Variants in ACTN2 observed in about 807,000 individuals in gnomAD.
The protein encoded by ACTN2 is actinin alpha 2, also known as alpha-actinin-2.
In ACTN2, 39 loss-of-function variants were observed where a neutral mutation model predicts 113.8. The ratio of observed to expected loss-of-function variants is 0.34; its 90% CI spans 0.27 to 0.45. ACTN2 has a LOEUF of 0.45. Ranked by LOEUF, ACTN2 falls within the 20% of genes least tolerant of loss-of-function variation. ACTN2 has a pLI of 1.00. For synonymous variants in ACTN2, 429 were observed against 444.1 expected, an observed-to-expected ratio of 0.97 and a Z score of 0.43; for missense variants, 992 against 1,177.9, an observed-to-expected ratio of 0.84 and a Z score of 2.31.
chr1:236,748,327 C>T (rs1659296807), intron 13 of ACTN2, among the ~76,000 whole-genome samples: 1 of 152,130 alleles, frequency 6.6e-6, no homozygotes, highest in Admixed American at 6.6e-5. Flanking sequence ...GTCTTTTCTG[C>T]TTGACTCTGA....
At chr1:236,740,739 G>T (rs1184970644) in intron 10 of ACTN2, among the ~76,000 whole-genome samples, 1 of 151,676 alleles carries the variant, frequency 6.6e-6, no homozygotes, top group Non-Finnish European at 1.5e-5. Flanking sequence ...CACCATATTG[G>T]CCAGGCTGGT....
intron 6 of ACTN2, among the ~76,000 whole-genome samples, chr1:236,730,271 CTTT>C (rs11410238): frequency 1.4e-5 from 2 of 146,818 alleles, no homozygotes. Flanking sequence ...TAGTTAAACA[CTTT>C]TTTTTTTTTT....
chr1:236,734,641 G>A (rs1572128228), intron 7 of ACTN2: 2 of 680,816 alleles, frequency 2.9e-6, no homozygotes, highest in Non-Finnish European at 4.8e-6. Context: ...GTTCCCAGGA[G>A]GCAGTTGTTT....
chr1:236,759,848 T>A, intron 19 of ACTN2, 59 bp downstream of exon 19: 1 of 1,524,304 alleles, frequency 6.6e-7, no homozygotes, highest in Non-Finnish European at 9.1e-7. Context: ...TGGATTTCTG[T>A]TATAAAAGAT....
chr1:236,758,884 G>A (rs750982319), intron 18 of ACTN2, among the ~76,000 whole-genome samples: 2 of 152,326 alleles, frequency 1.3e-5, no homozygotes, highest in Non-Finnish European at 1.5e-5. Context: ...GCCTCCCAAA[G>A]TGCTGAGCTT....
At chr1:236,706,044 A>C (rs1262261336) in intron 1 of ACTN2, among the ~76,000 whole-genome samples, 1 of 152,098 alleles carries the variant, frequency 6.6e-6, no homozygotes, top group East Asian at 1.9e-4. Flanking sequence ...AGTGTCATCC[A>C]TTAGCCTGAT....
In ACTN2 at chr1:236,720,086, G is replaced by C. The variant is rs758196018; in HGVS notation, c.362-19G>C. ...GACTATGTTATCTTTACATTAATTT[G>C]TTGTTTTCTTACCTGCAGAAATTGT... On this transcript the variant is annotated intron_variant, in intron 3 of 20. Coordinates refer to ENST00000366578, the MANE Select transcript of ACTN2 (RefSeq NM_001103.4). 1 of 1,531,210 alleles carries C rather than the reference G, an allele frequency of 6.5e-7. No individual in the cohort carries two copies. 94.9% of individuals were successfully genotyped at this position (1,531,210 alleles called of 1,614,324 possible). A position where few individuals can be genotyped will look rare whatever the true frequency, so the allele number is the denominator to read the frequency against.
At chr1:236,730,050 C>T (rs562383440) in intron 6 of ACTN2, among the ~76,000 whole-genome samples, 1 of 152,330 alleles carries the variant, frequency 6.6e-6, no homozygotes, top group South Asian at 2.1e-4. Context: ...TTAATCTTCA[C>T]AATGCACAGT....
chr1:236,733,836 C>T (rs1374561202), intron 7 of ACTN2, among the ~76,000 whole-genome samples: 1 of 152,176 alleles, frequency 6.6e-6, no homozygotes, highest in African/African-American at 2.4e-5. Flanking sequence ...TTGTGTTGGT[C>T]TCTGAACCCA....
At chr1:236,729,748 C>G (rs907712148) in intron 6 of ACTN2, among the ~76,000 whole-genome samples, 4 of 152,122 alleles carry the variant, frequency 2.6e-5, no homozygotes, top group Admixed American at 6.5e-5. Flanking sequence ...TTGAAATGTT[C>G]CAAGCATATA....
At chr1:236,692,519 T>G (rs1007119762) in intron 1 of ACTN2, among the ~76,000 whole-genome samples, 2 of 152,132 alleles carry the variant, frequency 1.3e-5, no homozygotes, top group Non-Finnish European at 2.9e-5. Context: ...GTAGATAGTC[T>G]TTGAGAGCCA....
At chr1:236,728,049 T>A (rs1196392021) in intron 6 of ACTN2, among the ~76,000 whole-genome samples, 2 of 152,220 alleles carry the variant, frequency 1.3e-5, no homozygotes, top group Non-Finnish European at 2.9e-5. Context: ...GAAGGCTTTC[T>A]ATATGTTCCT....
intron 4 of ACTN2, among the ~76,000 whole-genome samples, chr1:236,723,461 G>T (rs1299966951): frequency 1.3e-5 from 2 of 151,952 alleles, no homozygotes; most frequent in African/African-American, 4.8e-5. Context: ...TTTGTTTTGT[G>T]TTGTTTTGTT....
chr1:236,716,890 AG>A lies in ACTN2; in HGVS notation c.127-967del, dbSNP rs1238438975. 4.5e-5 allele frequency among the ~76,000 whole-genome samples: 6 copies of A among 133,524 alleles called. No homozygotes were observed. In the East Asian group the frequency reaches 1.4e-3, roughly 31 times the overall value. The allele number at this position is 133,524 out of a possible 152,430, so 87.6% of individuals were successfully genotyped here. ...CACTCTGTCACCCAGACTGGAGTGCAGTAGTATGATCTTGGCTTGCTGCAAC... is the reference window on the plus strand; with the variant it reads ...CACTCTGTCACCCAGACTGGAGTGCATAGTATGATCTTGGCTTGCTGCAAC... On this transcript the variant is annotated intron_variant, in intron 1 of 20. Transcript: ENST00000366578.
Position 236,727,699 on chromosome 1 carries a change from C to G in ACTN2, c.558C>G (p.Leu186=), listed in dbSNP as rs747818782. Reference sequence around the variant, plus strand: ...GAAGCTGGAAAGATGGCCTTGGACTCTGTGCCCTCATCCACCGACACCGGC... The same window carrying G: ...GAAGCTGGAAAGATGGCCTTGGACTGTGTGCCCTCATCCACCGACACCGGC... ...FHTSWKDGLG[L]CALIHRHRPD... The change falls in exon 6 of 21, where the codon CTC becomes CTG. Residue 186 remains leucine (L), a synonymous_variant. Coordinates refer to ENST00000366578, the MANE Select transcript of ACTN2 (RefSeq NM_001103.4). The G allele has an allele frequency of 1.2e-6, 2 of 1,614,098 alleles. No homozygotes were observed. The highest frequency in any genetic ancestry group is 1.7e-6 in the Non-Finnish European group (2 of 1,179,960).
intron 1 of ACTN2, among the ~76,000 whole-genome samples, chr1:236,704,812 C>T (rs1657778420): frequency 6.6e-6 from 1 of 152,134 alleles, no homozygotes; most frequent in Non-Finnish European, 1.5e-5. Context: ...ACTGGATAGG[C>T]ATAATTGAAG....
chr1:236,709,220 G>GTATACA (rs1553298540), intron 1 of ACTN2, among the ~76,000 whole-genome samples: 1 of 66,838 alleles, frequency 1.5e-5, no homozygotes, highest in Non-Finnish European at 2.7e-5. Flanking sequence ...ACAAATGACT[G>GTATACA]TATATATATA....
chr1:236,730,258 G>A (rs770234228), intron 6 of ACTN2, among the ~76,000 whole-genome samples: 7 of 142,376 alleles, frequency 4.9e-5, no homozygotes, highest in East Asian at 2.1e-4. Context: ...TTAAAAGAAC[G>A]TTTAGTTAAA....
At chr1:236,752,618 C>T (rs970290847) in intron 15 of ACTN2, among the ~76,000 whole-genome samples, 2 of 152,112 alleles carry the variant, frequency 1.3e-5, no homozygotes, top group Non-Finnish European at 2.9e-5. Flanking sequence ...GAGGCAAAAT[C>T]TCGGCTCATT....
Sources: allele counts gnomAD v4.1 joint callset (sites outside exome capture counted in the v4.1 genomes callset), GRCh38; gene constraint gnomAD v4.1.1; transcripts MANE v1.5; gene names NCBI Gene and HGNC (gene_info 2026-07-23, HGNC 2026-07-21).